The following GPI variants were observed in gnomAD, a reference collection of about 807,000 sequenced individuals.
GPI encodes glucose-6-phosphate isomerase.
GPI carries 56 observed loss-of-function variants against 75.8 expected under a neutral mutation model. The ratio of observed to expected loss-of-function variants is 0.74; its 90% CI spans 0.60 to 0.92. The LOEUF (loss-of-function observed/expected upper bound fraction) is 0.92, where lower values mean the gene tolerates loss of function less well. GPI is among the 40% of genes least tolerant of loss of function. The pLI is 0.00. For missense variants in GPI, 638 were observed against 741.0 expected, an observed-to-expected ratio of 0.86 and a Z score of 1.61; for synonymous variants, 288 against 285.4, an observed-to-expected ratio of 1.01 and a Z score of -0.09.
chr19:34,366,176 A>C (rs761009047), intron 1 of GPI, 169 bp from the exon 2 acceptor site: 3 of 703,436 alleles, frequency 4.3e-6, no homozygotes, highest in Admixed American at 2.0e-5. Flanking sequence ...GTTGCAGATC[A>C]TCCTGGTGGG....
At chr19:34,379,625 G>T in intron 8 of GPI, 63 bp downstream of exon 8, 1 of 1,327,422 alleles carries the variant, frequency 7.5e-7, no homozygotes. Flanking sequence ...CCAGGTCATG[G>T]CCTCTCAGAG....
At chr19:34,379,983 TG>T (rs1568335868) in intron 8 of GPI, 6 of 174,272 alleles carry the variant, frequency 3.4e-5, no homozygotes, top group Admixed American at 6.3e-5. Flanking sequence ...TTAGTGTGTG[TG>T]GTTTTGTTTT....
intron 4 of GPI, among the ~76,000 whole-genome samples, chr19:34,370,564 C>G (rs2074436001): frequency 6.6e-6 from 1 of 151,760 alleles, no homozygotes; most frequent in Non-Finnish European, 1.5e-5. Context: ...ACTAAAAATA[C>G]AAAAAAATTA....
chr19:34,397,554 C>T (rs1342247714), intron 14 of GPI: 2 of 152,110 alleles, frequency 1.3e-5, no homozygotes, highest in Admixed American at 1.3e-4. Context: ...GATCACAGTT[C>T]ACTGTATTCT....
At chr19:34,399,678 G>A in intron 16 of GPI, 41 bp from the exon 17 acceptor site, 2 of 1,613,690 alleles carry the variant, frequency 1.2e-6, no homozygotes, top group South Asian at 1.1e-5. Context: ...GTTGGAATGG[G>A]CTTGTGGAGC....
intron 9 of GPI, among the ~76,000 whole-genome samples, chr19:34,385,234 A>G (rs1337395532): frequency 6.6e-6 from 1 of 152,076 alleles, no homozygotes; most frequent in East Asian, 1.9e-4. Flanking sequence ...CTGTAATCCC[A>G]GCTACTCAGG....
rs760041602 is a variant in GPI, at chr19:34,378,980, A to G, written c.680A>G (p.Glu227Gly). Residue 227 changes from glutamate (E) to glycine (G), a missense_variant, in exon 7 of 18, where the codon GAG becomes GGG. Transcript: ENST00000356487. Reference sequence around the variant, plus strand: ...ATCACGAATGCAGAGACGGCGAAGGAGTGGTTTCTCCAGGCGGCCAAGGAT... The same window carrying G: ...ATCACGAATGCAGAGACGGCGAAGGGGTGGTTTCTCCAGGCGGCCAAGGAT... ...ETITNAETAK[E>G]WFLQAAKDPS... The G allele has an allele frequency of 1.5e-5, 25 of 1,614,012 alleles. No individual in the cohort carries two copies. Among genetic ancestry groups the G allele is most frequent in the Admixed American group, 3.3e-5 (2 of 59,998 alleles).
At chr19:34,389,266 G>A (rs1282823687) in intron 9 of GPI, among the ~76,000 whole-genome samples, 1 of 152,032 alleles carries the variant, frequency 6.6e-6, no homozygotes, top group Non-Finnish European at 1.5e-5. Context: ...GAAACCTCTC[G>A]GCCACACTGG....
intron 4 of GPI, among the ~76,000 whole-genome samples, chr19:34,375,028 C>T (rs910471392): frequency 1.3e-5 from 2 of 152,048 alleles, no homozygotes; most frequent in Non-Finnish European, 2.9e-5. Context: ...CTGAGTCCGG[C>T]CTGCATATTT....
intron 4 of GPI, among the ~76,000 whole-genome samples, chr19:34,369,396 A>G (rs1204400545): frequency 6.6e-6 from 1 of 152,068 alleles, no homozygotes; most frequent in Non-Finnish European, 1.5e-5. Flanking sequence ...CTAGAAACAG[A>G]TAAAACATTG....
At chr19:34,394,641 T>C (rs1292210853) in intron 12 of GPI, among the ~76,000 whole-genome samples, 2 of 152,006 alleles carry the variant, frequency 1.3e-5, no homozygotes, top group Non-Finnish European at 2.9e-5. Context: ...CCTTGGGATC[T>C]CCAGAGCCCC....
At chr19:34,384,941 G>T (rs989702435) in intron 9 of GPI, among the ~76,000 whole-genome samples, 3 of 151,774 alleles carry the variant, frequency 2.0e-5, no homozygotes, top group African/African-American at 4.8e-5. Flanking sequence ...TACTTGGGAG[G>T]CTGAGGCACC....
At chr19:34,398,764 GTGGCGTGATCT>G (rs1397871323) in intron 14 of GPI, 1 of 169,400 alleles carries the variant, frequency 5.9e-6, no homozygotes, top group Non-Finnish European at 1.3e-5. Context: ...CTGGAGTGCA[GTGGCGTGATCT>G]TGGCTCACTG....
In GPI at chr19:34,393,188, C is replaced by A; in HGVS notation, c.805-60C>A. ...GCAAGACCAGGGACAGGGTTTCCGGCAGGAGGTGGGGGGCGGGGTGTGCCG... is the reference window on the plus strand; with the variant it reads ...GCAAGACCAGGGACAGGGTTTCCGGAAGGAGGTGGGGGGCGGGGTGTGCCG... On this transcript the variant is annotated intron_variant, in intron 9 of 17. Coordinates refer to ENST00000356487, the MANE Select transcript of GPI (RefSeq NM_000175.5). This position sits in a 1 kb window ranked among gnomAD's most constrained non-coding sequence, Gnocchi z 4.4. 7.5e-7 allele frequency: 1 copy of A among 1,325,154 alleles called. No homozygotes were observed. Among genetic ancestry groups the A allele is most frequent in the South Asian group, 1.2e-5 (1 of 85,402 alleles). 82.1% of individuals were successfully genotyped at this position (1,325,154 alleles called of 1,614,324 possible).
chr19:34,382,478 A>G (rs780258940), intron 9 of GPI, among the ~76,000 whole-genome samples: 2 of 152,184 alleles, frequency 1.3e-5, no homozygotes, highest in African/African-American at 4.8e-5. Context: ...GACTAGTTAC[A>G]TACCATCCTT....
At position 34,365,282 on chromosome 19, in the gene GPI, C is replaced by G; in HGVS notation, c.16C>G (p.Arg6Gly). The G allele has an allele frequency of 6.3e-7, 1 of 1,578,674 alleles. No homozygotes were observed. Among genetic ancestry groups the G allele is most frequent in the South Asian group, 1.1e-5 (1 of 87,770 alleles). MAALT[R>G]DPQFQKLQQW... ...TAGTCCCGCCATGGCCGCTCTCACC[C>G]GGGACCCCCAGTTCCAGAAGCTGCA... Residue 6 changes from arginine (R) to glycine (G), a missense_variant, in exon 1 of 18, where the codon CGG becomes GGG. By Grantham distance (125) the Arg-to-Gly change is moderately radical. Transcript: ENST00000356487.
chr19:34,400,807 C>T lies in GPI; in HGVS notation c.*771C>T, dbSNP rs2075011265. 2.7e-6 allele frequency: 1 copy of T among 375,232 alleles called. No individual in the cohort carries two copies. The highest frequency in any genetic ancestry group is 4.7e-6 in the Non-Finnish European group (1 of 211,572). 23.2% of individuals were successfully genotyped at this position (375,232 alleles called of 1,614,324 possible). Reference sequence around the variant, plus strand: ...TGGTGCAATCTCGGCTCACTGCAACCTCCGCCTCCCGGGTTCAAGCTATTC... The same window carrying T: ...TGGTGCAATCTCGGCTCACTGCAACTTCCGCCTCCCGGGTTCAAGCTATTC... On this transcript the variant is annotated 3_prime_UTR_variant, in exon 18 of 18. Transcript: ENST00000356487.
intron 12 of GPI, 44 bp from the exon 13 acceptor site, chr19:34,396,257 G>T: frequency 6.2e-7 from 1 of 1,611,870 alleles, no homozygotes; most frequent in Non-Finnish European, 8.5e-7. Context: ...CTTTTTAAAT[G>T]TTCTTTCATT....
chr19:34,393,348 A>G lies in GPI; in HGVS notation c.865+40A>G, dbSNP rs780931517. On this transcript the variant is annotated intron_variant, in intron 10 of 17. Transcript: ENST00000356487. The surrounding 1 kb of genome is among the most constrained non-coding windows in gnomAD (Gnocchi z 4.4). Reference sequence around the variant, plus strand: ...GTGTCTTGCAGCCCCTGTGGGAGACAGTGTTGCAGTCTAAGGTCGGGGTAG... The same window carrying G: ...GTGTCTTGCAGCCCCTGTGGGAGACGGTGTTGCAGTCTAAGGTCGGGGTAG... 1.3e-6 allele frequency: 2 copies of G among 1,510,144 alleles called. No homozygotes were observed. Among genetic ancestry groups the G allele is most frequent in the South Asian group, 1.1e-5 (1 of 89,102 alleles). 93.5% of individuals were successfully genotyped at this position (1,510,144 alleles called of 1,614,324 possible).
Sources: allele counts gnomAD v4.1 joint callset (sites outside exome capture counted in the v4.1 genomes callset), GRCh38; gene constraint gnomAD v4.1.1; non-coding constraint Gnocchi (gnomAD v3.1); transcripts MANE v1.5; gene names NCBI Gene and HGNC (gene_info 2026-07-23, HGNC 2026-07-21).